The following SUN1 variants were observed in gnomAD, a reference collection of about 807,000 sequenced individuals.
SUN1 encodes SUN domain-containing protein 1.
SUN1 carries 61 observed loss-of-function variants against 103.2 expected under a neutral mutation model. The ratio of observed to expected loss-of-function variants is 0.59; its 90% CI spans 0.48 to 0.73. The LOEUF is 0.73. SUN1 is among the 30% of genes least tolerant of loss of function. The pLI is 0.00. For synonymous variants in SUN1, 490 were observed against 425.7 expected (o/e 1.15, Z -1.86); for missense variants, 1,052 against 1,034.6 (o/e 1.02, Z -0.23).
chr7:852,530 T>C, intron 7 of SUN1, 79 bp from the exon 8 acceptor site: 1 of 1,580,260 alleles, frequency 6.3e-7, no homozygotes, highest in Non-Finnish European at 8.7e-7. Flanking sequence ...TTGCACAAAA[T>C]TATCTAGAGG....
chr7:831,877 A>G, upstream of SUN1: 1 of 230,814 alleles, frequency 4.3e-6, no homozygotes, highest in Non-Finnish European at 7.1e-6. Context: ...AGCCAGAGGA[A>G]AGTATGAGTC....
At chr7:832,394 G>T, upstream of SUN1, 1 of 874,794 alleles carries the variant, frequency 1.1e-6, no homozygotes, top group Non-Finnish European at 1.9e-6. Context: ...TGTGAGTTTT[G>T]AGGGTGACCT....
intron 1 of SUN1, among the ~76,000 whole-genome samples, chr7:822,345 G>T (rs773417771): frequency 1.3e-5 from 2 of 152,160 alleles, no homozygotes; most frequent in Non-Finnish European, 2.9e-5. Context: ...ATGGCTGTAG[G>T]TTGTGAGTTT....
At chr7:826,840 ATT>A (rs1792566046) in intron 1 of SUN1, among the ~76,000 whole-genome samples, 1 of 152,100 alleles carries the variant, frequency 6.6e-6, no homozygotes, top group Non-Finnish European at 1.5e-5. Context: ...AGGAGATCCC[ATT>A]GTTCATGAGT....
intron 16 of SUN1, among the ~76,000 whole-genome samples, chr7:867,779 G>A (rs775812998): frequency 1.3e-5 from 2 of 152,218 alleles, no homozygotes; most frequent in Non-Finnish European, 2.9e-5. Context: ...GTGGAGCCTC[G>A]CCAGAGCGTC....
At chr7:843,955 C>G (rs913128612) in intron 5 of SUN1, 15 of 1,027,468 alleles carry the variant, frequency 1.5e-5, no homozygotes, top group Non-Finnish European at 1.8e-5. Flanking sequence ...GGTCGCTAGC[C>G]CTGTGCTTAT....
intron 1 of SUN1, among the ~76,000 whole-genome samples, chr7:821,884 G>A (rs933348450): frequency 2.6e-5 from 4 of 152,206 alleles, no homozygotes; most frequent in African/African-American, 9.6e-5. Flanking sequence ...TAGGCCCAGT[G>A]TCGTCGGCCT....
chr7:848,684 T>C, intron 5 of SUN1: 6 of 1,174,998 alleles, frequency 5.1e-6, no homozygotes, highest in African/African-American at 1.6e-5. Flanking sequence ...TGCTGTGACT[T>C]TCCTCGCCAG....
intron 17 of SUN1, among the ~76,000 whole-genome samples, chr7:871,481 G>A (rs533502824): frequency 1.3e-5 from 2 of 152,222 alleles, no homozygotes; most frequent in African/African-American, 2.4e-5. Flanking sequence ...TCCGCCTCCC[G>A]GGTTCAAGCG....
At position 860,234 on chromosome 7, in the gene SUN1, A is replaced by G; in HGVS notation, c.1631A>G (p.Lys544Arg). The change falls in exon 14 of 19, where the codon AAA (lysine) becomes AGA (arginine). Residue 544 changes from lysine to arginine, a missense_variant. Physicochemically the swap from Lys to Arg is conservative, Grantham distance 26 (BLOSUM62 2). This residue lies in a region of SUN1 where 846 missense variants were observed against 774.5 expected (regional missense o/e 1.09). Coordinates refer to ENST00000401592, the MANE Select transcript of SUN1 (RefSeq NM_001130965.3). Reference protein sequence around the residue: ...LQRFSSQFVSKGDLQTMLRDL... With the variant: ...LQRFSSQFVSRGDLQTMLRDL... ...AGGTTCTCATCACAGTTTGTGAGCA[A>G]AGGCGACTTGCAGACGATGCTGCGA... 1 of 1,614,258 alleles carries G rather than the reference A, an allele frequency of 6.2e-7. No individual in the cohort carries two copies.
chr7:821,250 A>T (rs949366880), intron 1 of SUN1, among the ~76,000 whole-genome samples: 1 of 141,174 alleles, frequency 7.1e-6, no homozygotes, highest in Non-Finnish European at 1.5e-5. Context: ...GCTCACTGCA[A>T]CCTCTGCCTC....
intron 5 of SUN1, among the ~76,000 whole-genome samples, chr7:847,525 C>G (rs1420346307): frequency 4.8e-4 from 41 of 85,462 alleles, no homozygotes; most frequent in African/African-American, 1.7e-3. Context: ...GCGGCCTTCC[C>G]CTGGGGGTTA....
chr7:846,585 A>T (rs1318739268), intron 5 of SUN1, among the ~76,000 whole-genome samples: 3 of 151,586 alleles, frequency 2.0e-5, no homozygotes, highest in African/African-American at 4.8e-5. Context: ...TAAATAAATT[A>T]AAAAATAGGC....
intron 5 of SUN1, among the ~76,000 whole-genome samples, chr7:846,212 G>T (rs1289043818): frequency 1.3e-5 from 2 of 151,826 alleles, no homozygotes; most frequent in African/African-American, 4.8e-5. Context: ...GGGCTCAAGC[G>T]ATTCTCCTGC....
rs1452737169 is a variant in SUN1, at chr7:851,502, G to A, written c.757+20G>A. 1.9e-6 allele frequency: 3 copies of A among 1,583,998 alleles called. No homozygotes were observed. The highest frequency in any genetic ancestry group is 4.6e-5 in the East Asian group (2 of 43,594). On this transcript the variant is annotated intron_variant, in intron 6 of 18. Coordinates refer to ENST00000401592, the MANE Select transcript of SUN1 (RefSeq NM_001130965.3). Reference sequence around the variant, plus strand: ...CTCCAGGTGGCTATTTTGGGTTTCTGTGTTGCGTTCTCTCCAGAGCTTCTG... The same window carrying A: ...CTCCAGGTGGCTATTTTGGGTTTCTATGTTGCGTTCTCTCCAGAGCTTCTG...
chr7:825,300 G>A (rs1790642316), intron 1 of SUN1, among the ~76,000 whole-genome samples: 1 of 152,170 alleles, frequency 6.6e-6, no homozygotes, highest in Non-Finnish European at 1.5e-5. Context: ...CTGACCTTGT[G>A]ATCCGCCCAT....
At chr7:869,296 A>C in intron 16 of SUN1, 53 bp from the exon 17 acceptor site, 1 of 1,561,152 alleles carries the variant, frequency 6.4e-7, no homozygotes, top group Non-Finnish European at 8.7e-7. Flanking sequence ...CCTGCTGCTA[A>C]GTGGGTAAGA....
Position 857,876 on chromosome 7 carries a change from G to T in SUN1, c.1443G>T (p.Glu481Asp). The T allele has an allele frequency of 1.2e-6, 2 of 1,600,204 alleles. No individual in the cohort carries two copies. Among genetic ancestry groups the T allele is most frequent in the Non-Finnish European group, 1.7e-6 (2 of 1,169,242 alleles). ...LLPTVEHLQL[E>D]LDQLKSELSS... The stretch of plus-strand genomic sequence containing the variant: ...CCACAGTCGAGCACCTCCAGCTGGA[G>T]CTGGATCAGCTAAAGTCAGAGCTGT... Residue 481 changes from glutamate to aspartate, a missense_variant, in exon 13 of 19, where the codon GAG (glutamate) becomes GAT (aspartate). By Grantham distance (45) the Glu-to-Asp change is conservative. Transcript: ENST00000401592.
chr7:870,767 C>G (rs1286847753), intron 17 of SUN1, among the ~76,000 whole-genome samples: 1 of 152,170 alleles, frequency 6.6e-6, no homozygotes, highest in Non-Finnish European at 1.5e-5. Context: ...TTTACACCTT[C>G]ACTAATTAAT....
Sources: gnomAD v4.1 joint callset for allele counts (sites outside exome capture counted in the v4.1 genomes callset) on GRCh38, gnomAD v4.1.1 for gene constraint, gnomAD v4.1.1 regional missense constraint, MANE v1.5 for transcripts, NCBI Gene and HGNC (gene_info 2026-07-23, HGNC 2026-07-21) for gene names.